The following GALNT2 variants were observed in gnomAD, a reference collection of about 807,000 sequenced individuals.
GALNT2 encodes polypeptide N-acetylgalactosaminyltransferase 2.
Under a neutral mutation model 81.4 loss-of-function variants are expected in GALNT2, and 31 were observed. The observed-to-expected ratio is 0.38, with a 90% confidence interval of 0.29 to 0.51. The LOEUF (loss-of-function observed/expected upper bound fraction) is 0.51, where lower values mean the gene tolerates loss of function less well. GALNT2 is among the 20% of genes least tolerant of loss of function. GALNT2 has a pLI of 0.87. For missense variants in GALNT2, 629 were observed against 765.7 expected (o/e 0.82, Z 2.11); for synonymous variants, 303 against 287.4 (o/e 1.05, Z -0.55).
rs371951250 is a variant in GALNT2 at position 230,200,598 on chromosome 1, G to T, written c.221-2539G>T. Among the ~76,000 whole-genome samples, 26 of 152,348 alleles carry T rather than the reference G, an allele frequency of 1.7e-4. No individual in the cohort carries two copies. The South Asian group carries it at 5.2e-3, about 30-fold the overall frequency. On this transcript the variant is annotated intron_variant, in intron 2 of 15. Transcript: ENST00000366672. ...GTCTTATTCCAGAAGGGCTGTGGGG[G>T]TGTGAGAGCACAAAGAGATGTATGG...
chr1:230,156,706 C>T (rs139392915), intron 1 of GALNT2, among the ~76,000 whole-genome samples: 166 of 152,178 alleles, frequency 1.1e-3, no homozygotes, highest in African/African-American at 3.8e-3. Flanking sequence ...ATGTGGAACT[C>T]GGGGCCATGG....
rs192071755 is a variant in GALNT2, at chr1:230,072,682, G to T, written c.126+5276G>T. Among the ~76,000 whole-genome samples the T allele has an allele frequency of 2.2e-3, 332 of 152,350 alleles. 5 individuals carry two copies. The highest frequency in any genetic ancestry group is 0.02 in the Admixed American group (302 of 15,298). ...ACTGGCTTAGCCATGCCACTCACAT[G>T]TAACAGTGGGGCACTTCCATGCTGG... On this transcript the variant is annotated intron_variant, in intron 1 of 15. Coordinates refer to ENST00000366672, the MANE Select transcript of GALNT2 (RefSeq NM_004481.5).
At chr1:230,096,245 C>T (rs752194494) in intron 1 of GALNT2, among the ~76,000 whole-genome samples, 1 of 152,194 alleles carries the variant, frequency 6.6e-6, no homozygotes, top group Admixed American at 6.5e-5. Context: ...CCTTTTAAGA[C>T]GATTCTAGTT....
Position 230,221,108 on chromosome 1 carries a change from T to C in GALNT2, c.375-14906T>C, listed in dbSNP as rs572515200. ...TTGTCTCATACCCTCTGATGTTCGA[T>C]GTATGTCATTTTCTATAAATACAAT... is the stretch of plus-strand genomic sequence containing the variant. On this transcript the variant is annotated intron_variant, in intron 3 of 15. Coordinates refer to ENST00000366672, the MANE Select transcript of GALNT2 (RefSeq NM_004481.5). Among the ~76,000 whole-genome samples, 23 of 152,366 alleles carry C rather than the reference T, an allele frequency of 1.5e-4. No individual in the cohort carries two copies. The East Asian group carries it at 2.3e-3, about 15-fold the overall frequency.
intron 1 of GALNT2, among the ~76,000 whole-genome samples, chr1:230,091,260 G>C (rs1287901173): frequency 6.6e-6 from 1 of 150,404 alleles, no homozygotes; most frequent in African/African-American, 2.5e-5. Flanking sequence ...TTTTTTAGTA[G>C]AGACAGGGTT....
intron 1 of GALNT2, among the ~76,000 whole-genome samples, chr1:230,168,640 T>TGGGA (rs1444396137): frequency 6.6e-6 from 1 of 152,254 alleles, no homozygotes; most frequent in Non-Finnish European, 1.5e-5. Context: ...TGTAGTTGCT[T>TGGGA]TCCCTTTAGG....
intron 1 of GALNT2, among the ~76,000 whole-genome samples, chr1:230,146,071 A>G (rs987635772): frequency 2.6e-5 from 4 of 152,104 alleles, no homozygotes; most frequent in Non-Finnish European, 5.9e-5. Flanking sequence ...ATTAATCTGT[A>G]GCTGCTTATG....
At chr1:230,180,086 T>G (rs574819586) in intron 2 of GALNT2, among the ~76,000 whole-genome samples, 1 of 152,214 alleles carries the variant, frequency 6.6e-6, no homozygotes, top group South Asian at 2.1e-4. Flanking sequence ...GCCCAGCTAA[T>G]TTTTGTATTT....
At chr1:230,169,863 C>T (rs1420821255) in intron 1 of GALNT2, among the ~76,000 whole-genome samples, 1 of 152,160 alleles carries the variant, frequency 6.6e-6, no homozygotes, top group African/African-American at 2.4e-5. Flanking sequence ...GAAATTTGCC[C>T]TCCTCTCATT....
intron 2 of GALNT2, among the ~76,000 whole-genome samples, chr1:230,202,303 A>G (rs1387386699): frequency 2.6e-5 from 4 of 151,972 alleles, no homozygotes; most frequent in Non-Finnish European, 5.9e-5. Context: ...CCTTTATTAC[A>G]CCTGGGCTCA....
At chr1:230,154,240 C>T (rs769389732) in intron 1 of GALNT2, among the ~76,000 whole-genome samples, 3 of 152,212 alleles carry the variant, frequency 2.0e-5, no homozygotes, top group Non-Finnish European at 2.9e-5. Context: ...GAGACATAGG[C>T]CCTTCGTCCA....
chr1:230,211,174 T>G (rs1664222250), intron 3 of GALNT2, among the ~76,000 whole-genome samples: 1 of 152,160 alleles, frequency 6.6e-6, no homozygotes. Context: ...CTGAGATTCT[T>G]GTGACGGAAC....
intron 14 of GALNT2, among the ~76,000 whole-genome samples, chr1:230,273,956 C>T (rs1027182306): frequency 3.9e-5 from 6 of 152,212 alleles, no homozygotes; most frequent in African/African-American, 1.4e-4. Flanking sequence ...ATTTTGCTTA[C>T]ATATGCAATG....
In GALNT2 at chr1:230,262,958, C is replaced by A; in HGVS notation, c.1266C>A (p.Ser422Arg). 1 of 1,614,240 alleles carries A rather than the reference C, an allele frequency of 6.2e-7. No individual in the cohort carries two copies. The highest frequency in any genetic ancestry group is 8.5e-7 in the Non-Finnish European group (1 of 1,180,028). The change falls in exon 13 of 16, where the codon AGC (serine) becomes AGA (arginine). Residue 422 changes from serine (S) to arginine (R), a missense_variant. Physicochemically the swap from Ser to Arg is moderately radical, Grantham distance 110 (BLOSUM62 -1). This residue lies in a region of GALNT2 where 207 missense variants were observed against 225.5 expected (regional missense o/e 0.92). Coordinates refer to ENST00000366672, the MANE Select transcript of GALNT2 (RefSeq NM_004481.5). ...QSRLELRKKL[S>R]CKPFKWYLEN... ...GATTGGAGCTTAGGAAGAAACTCAGCTGCAAGCCTTTCAAATGGTACCTTG... is the reference window on the plus strand; with the variant it reads ...GATTGGAGCTTAGGAAGAAACTCAGATGCAAGCCTTTCAAATGGTACCTTG...
intron 1 of GALNT2, among the ~76,000 whole-genome samples, chr1:230,105,076 G>A (rs1660503851): frequency 6.6e-6 from 1 of 152,200 alleles, no homozygotes; most frequent in African/African-American, 2.4e-5. Context: ...TGATGCCAGA[G>A]GCTGGGGGTG....
chr1:230,184,854 G>A (rs678578), intron 2 of GALNT2, among the ~76,000 whole-genome samples: 35,052 of 151,726 alleles, frequency 0.23, 4,920 homozygotes, highest in African/African-American at 0.39. Flanking sequence ...TTCTCCTTCC[G>A]ATATTCCCAT....
chr1:230,264,002 TAGG>T (rs1210139525), intron 13 of GALNT2: 1 of 152,148 alleles, frequency 6.6e-6, no homozygotes, highest in Non-Finnish European at 1.5e-5. Flanking sequence ...CCATGCCCCC[TAGG>T]AGGAGAACAG....
At chr1:230,092,019 C>T (rs534135554) in intron 1 of GALNT2, 2 of 152,248 alleles carry the variant, frequency 1.3e-5, no homozygotes, top group Non-Finnish European at 2.9e-5. Context: ...ATATTAAAGC[C>T]CTTCTGTTCA....
intron 1 of GALNT2, among the ~76,000 whole-genome samples, chr1:230,060,458 T>C (rs576951193): frequency 1.3e-4 from 20 of 152,268 alleles, no homozygotes; most frequent in Non-Finnish European, 2.8e-4. Context: ...TAAGTGATGC[T>C]AGTTTTGGTC....
Sources: gnomAD v4.1 joint callset for allele counts (sites outside exome capture counted in the v4.1 genomes callset) on GRCh38, gnomAD v4.1.1 for gene constraint, gnomAD v4.1.1 regional missense constraint, MANE v1.5 for transcripts, NCBI Gene and HGNC (gene_info 2026-07-23, HGNC 2026-07-21) for gene names.